MYOC: variants seen among roughly 807,000 people sequenced by gnomAD.
MYOC encodes the protein myocilin.
In MYOC, 29 loss-of-function variants were observed where a neutral mutation model predicts 28.2. The observed-to-expected ratio is 1.03, with a 90% CI of 0.77 to 1.40. The LOEUF (loss-of-function observed/expected upper bound fraction) is 1.40, where lower values mean the gene tolerates loss of function less well. Ranked by LOEUF, MYOC falls within the 40% of genes most tolerant of loss-of-function variation. MYOC has a pLI of 0.00. For synonymous variants in MYOC, 240 were observed against 245.6 expected (o/e 0.98, Z 0.21); for missense variants, 569 against 620.6 (o/e 0.92, Z 0.88).
chr1:171,636,666 T>C lies in MYOC; in HGVS notation c.774A>G (p.Arg258=). 1 of 1,607,110 alleles carries C rather than the reference T, an allele frequency of 6.2e-7. No individual in the cohort carries two copies. Among genetic ancestry groups the C allele is most frequent in the Non-Finnish European group, 8.5e-7 (1 of 1,179,996 alleles). Residue 258 remains arginine (R), a synonymous_variant, in exon 3 of 3, where the codon AGA becomes AGG. Coordinates refer to ENST00000037502, the MANE Select transcript of MYOC (RefSeq NM_000261.2). ...ACTTGCCAGTAATTGTTTCTGCTGT[T>C]CTCAGCGTGAGAGGCTCTCCTACCC... The part of the protein sequence containing the change: ...LVWVGEPLTL[R]TAETITGKYG...
rs1653367590 is a variant in MYOC at position 171,652,094 on chromosome 1, C to T, written c.518G>A (p.Ser173Asn). 6.2e-7 allele frequency: 1 copy of T among 1,614,222 alleles called. No homozygotes were observed. The highest frequency in any genetic ancestry group is 8.5e-7 in the Non-Finnish European group (1 of 1,180,034). Residue 173 changes from serine (S) to asparagine (N), a missense_variant, in exon 1 of 3, where the codon AGC (serine) becomes AAC (asparagine). Ser to Asn is a conservative substitution (Grantham distance 46). Coordinates refer to ENST00000037502, the MANE Select transcript of MYOC (RefSeq NM_000261.2). The part of the protein sequence containing the change: ...NENLARRLES[S>N]SQEVARLRRG... ...TCTCAGCCTTGCTACCTCCTGGCTG[C>T]TGCTTTCCAACCTCCTGGCCAGATT... is the stretch of plus-strand genomic sequence containing the variant.
At position 171,635,568 on chromosome 1, in the gene MYOC, C is replaced by T. The variant is rs1652898957; in HGVS notation, c.*357G>A. On this transcript the variant is annotated 3_prime_UTR_variant, in exon 3 of 3. Coordinates refer to ENST00000037502, the MANE Select transcript of MYOC (RefSeq NM_000261.2). ...TATTCTGCTTCCTTTAGAAGTTATGCTTTTTATTGTGGCTTGTGGTAACCA... is the reference window on the plus strand; with the variant it reads ...TATTCTGCTTCCTTTAGAAGTTATGTTTTTTATTGTGGCTTGTGGTAACCA... 2.4e-6 allele frequency: 1 copy of T among 417,590 alleles called. No homozygotes were observed. Among genetic ancestry groups the T allele is most frequent in the Non-Finnish European group, 4.4e-6 (1 of 226,368 alleles). The allele number at this position is 417,590 out of a possible 1,614,324, so 25.9% of individuals were successfully genotyped here.
At chr1:171,644,298 C>G (rs938882678) in intron 1 of MYOC, among the ~76,000 whole-genome samples, 4 of 150,674 alleles carry the variant, frequency 2.7e-5, no homozygotes, top group Non-Finnish European at 5.9e-5. Flanking sequence ...ATATTAAATT[C>G]AGGCGAGCCA....
At chr1:171,650,230 C>T (rs1219541010) in intron 1 of MYOC, among the ~76,000 whole-genome samples, 2 of 152,098 alleles carry the variant, frequency 1.3e-5, no homozygotes, top group Non-Finnish European at 2.9e-5. Flanking sequence ...CACCCACATA[C>T]ACACATGCAG....
chr1:171,651,027 A>G (rs539211964), intron 1 of MYOC, among the ~76,000 whole-genome samples: 250 of 152,206 alleles, frequency 1.6e-3, no homozygotes, highest in Non-Finnish European at 3.0e-3. Context: ...GTTATCCCAA[A>G]CCTGTTCCTC....
At chr1:171,636,796 G>T in intron 2 of MYOC, 87 bp from the exon 3 acceptor site, 1 of 1,430,330 alleles carries the variant, frequency 7.0e-7, no homozygotes, top group Non-Finnish European at 9.7e-7. Context: ...GCTTGGCAGA[G>T]CCAGTAGATG....
At chr1:171,645,161 T>C (rs557757218) in intron 1 of MYOC, among the ~76,000 whole-genome samples, 63 of 152,302 alleles carry the variant, frequency 4.1e-4, no homozygotes, top group African/African-American at 1.4e-3. Context: ...CCTGCGTCCA[T>C]AGGTGGTATG....
chr1:171,644,710 C>T (rs573102586), intron 1 of MYOC, among the ~76,000 whole-genome samples: 128 of 151,824 alleles, frequency 8.4e-4, no homozygotes, highest in African/African-American at 2.8e-3. Flanking sequence ...TAGAGAAAGG[C>T]TTTAGGACTG....
At chr1:171,638,827 C>G (rs1572211889) in intron 1 of MYOC, 105 bp from the exon 2 acceptor site, 1 of 1,307,312 alleles carries the variant, frequency 7.6e-7, no homozygotes, top group East Asian at 2.4e-5. Flanking sequence ...GGCGTGGTGG[C>G]TCATGCCTGT....
rs1652897836 is a variant in MYOC, at chr1:171,635,508, G to A, written c.*417C>T. 3.0e-6 allele frequency: 1 copy of A among 337,148 alleles called. No individual in the cohort carries two copies. Among genetic ancestry groups the A allele is most frequent in the Non-Finnish European group, 5.5e-6 (1 of 181,212 alleles). 20.9% of individuals were successfully genotyped at this position (337,148 alleles called of 1,614,324 possible). A position where few individuals can be genotyped will look rare whatever the true frequency, so the allele number is the denominator to read the frequency against. Reference sequence around the variant, plus strand: ...GCATTAGAAGCCAACTGTAGTAAATGCATCTTACTTATATTCGATGCTGGC... The same window carrying A: ...GCATTAGAAGCCAACTGTAGTAAATACATCTTACTTATATTCGATGCTGGC... On this transcript the variant is annotated 3_prime_UTR_variant, in exon 3 of 3. Transcript: ENST00000037502.
Position 171,638,484 on chromosome 1 carries a change from G to A in MYOC, c.730+113C>T, listed in dbSNP as rs996393685. On this transcript the variant is annotated intron_variant, in intron 2 of 2. Coordinates refer to ENST00000037502, the MANE Select transcript of MYOC (RefSeq NM_000261.2). ...CTCCTCCCCTCCCTCTGCTCCCAGG[G>A]AAGTTAATTTCCCCCTTGGGTGGGC... 3.2e-5 allele frequency: 39 copies of A among 1,215,850 alleles called. No individual in the cohort carries two copies. In the African/African-American group the frequency reaches 5.9e-4, roughly 18 times the overall value. The allele number at this position is 1,215,850 out of a possible 1,614,324, so 75.3% of individuals were successfully genotyped here.
Position 171,652,347 on chromosome 1 carries a change from T to C in MYOC, c.265A>G (p.Lys89Glu). ...STQRLDLEATKARLSSLESLL... is the reference protein window; with the variant it reads ...STQRLDLEATEARLSSLESLL... Reference sequence around the variant, plus strand: ...CTCTCCAGGGAGCTGAGTCGAGCTTTGGTGGCCTCCAGGTCTAAGCGTTGG... The same window carrying C: ...CTCTCCAGGGAGCTGAGTCGAGCTTCGGTGGCCTCCAGGTCTAAGCGTTGG... Residue 89 changes from lysine to glutamate, a missense_variant, in exon 1 of 3, where the codon AAA becomes GAA. Lys to Glu is a moderately conservative substitution (Grantham distance 56, BLOSUM62 1). Transcript: ENST00000037502. The C allele has an allele frequency of 6.2e-7, 1 of 1,610,312 alleles. No homozygotes were observed. Among genetic ancestry groups the C allele is most frequent in the South Asian group, 1.1e-5 (1 of 90,940 alleles).
chr1:171,640,123 G>GT (rs1653044021), intron 1 of MYOC, among the ~76,000 whole-genome samples: 2 of 151,302 alleles, frequency 1.3e-5, no homozygotes, highest in Admixed American at 6.6e-5. Context: ...ATGACTTAAG[G>GT]TTTTTTCCCT....
intron 1 of MYOC, among the ~76,000 whole-genome samples, chr1:171,640,568 T>C (rs1653052883): frequency 6.6e-6 from 1 of 152,074 alleles, no homozygotes. Flanking sequence ...ATCCCATCTC[T>C]ACAAAAACTA....
chr1:171,650,317 T>C (rs1325472867), intron 1 of MYOC, among the ~76,000 whole-genome samples: 1 of 152,208 alleles, frequency 6.6e-6, no homozygotes. Context: ...GTAATGATGA[T>C]TCTTTCAATT....
chr1:171,642,212 G>A (rs1194578334), intron 1 of MYOC, among the ~76,000 whole-genome samples: 1 of 152,218 alleles, frequency 6.6e-6, no homozygotes, highest in Non-Finnish European at 1.5e-5. Flanking sequence ...CTGCCTCTGT[G>A]TGGCTGCAGT....
intron 2 of MYOC, 119 bp from the exon 3 acceptor site, chr1:171,636,828 G>C: frequency 1.7e-6 from 2 of 1,148,532 alleles, no homozygotes; most frequent in Non-Finnish European, 2.6e-6. Flanking sequence ...GAGACAAATC[G>C]TCTGGGTTTA....
At chr1:171,637,528 G>A (rs1020780794) in intron 2 of MYOC, among the ~76,000 whole-genome samples, 13 of 152,066 alleles carry the variant, frequency 8.5e-5, no homozygotes, top group Non-Finnish European at 1.8e-4. Flanking sequence ...TACCACACCT[G>A]GCTAATTTGG....
chr1:171,645,043 T>C (rs1653168068), intron 1 of MYOC, among the ~76,000 whole-genome samples: 1 of 152,116 alleles, frequency 6.6e-6, no homozygotes, highest in South Asian at 2.1e-4. Context: ...CCCTCCCATG[T>C]ATGCTGTCTG....
Sources: allele counts gnomAD v4.1 joint callset (sites outside exome capture counted in the v4.1 genomes callset), GRCh38; gene constraint gnomAD v4.1.1; transcripts MANE v1.5; gene names NCBI Gene and HGNC (gene_info 2026-07-23, HGNC 2026-07-21).